SLC4A4: variants seen among roughly 807,000 people sequenced by gnomAD.
SLC4A4 encodes electrogenic sodium bicarbonate cotransporter 1.
Under a neutral mutation model 111.5 loss-of-function variants are expected in SLC4A4, and 27 were observed. The ratio of observed to expected loss-of-function variants is 0.24; its 90% CI spans 0.18 to 0.33. The LOEUF (loss-of-function observed/expected upper bound fraction) is 0.33. SLC4A4 is among the 10% of genes least tolerant of loss of function. The pLI, the probability that SLC4A4 is intolerant of heterozygous loss-of-function variation, is 1.00. For missense variants in SLC4A4, 909 were observed against 1,315.5 expected (o/e 0.69, Z 4.78); for synonymous variants, 443 against 463.4 (o/e 0.96, Z 0.57).
chr4:71,426,351 C>T (rs1456904445), intron 7 of SLC4A4, among the ~76,000 whole-genome samples: 1 of 152,030 alleles, frequency 6.6e-6, no homozygotes, highest in East Asian at 1.9e-4. Context: ...TTTTAGTTTA[C>T]ACTTGATACT....
intron 16 of SLC4A4, among the ~76,000 whole-genome samples, chr4:71,499,735 A>G (rs1330633263): frequency 6.6e-6 from 1 of 151,956 alleles, no homozygotes; most frequent in Non-Finnish European, 1.5e-5. Flanking sequence ...ACATAATGTT[A>G]TCCAAATTAT....
intron 23 of SLC4A4, among the ~76,000 whole-genome samples, chr4:71,562,976 A>G (rs996929025): frequency 2.6e-5 from 4 of 151,656 alleles, no homozygotes; most frequent in African/African-American, 7.3e-5. Flanking sequence ...CTTTTAATTA[A>G]GAGATATATT....
At chr4:71,550,568 T>C (rs564988863) in intron 20 of SLC4A4, among the ~76,000 whole-genome samples, 15 of 152,040 alleles carry the variant, frequency 9.9e-5, no homozygotes, top group African/African-American at 3.6e-4. Flanking sequence ...GACTATGTGT[T>C]TTTTTAGAGA....
At chr4:71,081,448 T>C (rs9991094) in intron 1 of SLC4A4, among the ~76,000 whole-genome samples, 16,474 of 152,168 alleles carry the variant, frequency 0.11, 1,407 homozygotes, top group African/African-American at 0.23. Flanking sequence ...ACTGCAGCTG[T>C]GCTGGTGCTG....
At chr4:71,217,604 A>G (rs1718515064) in intron 1 of SLC4A4, among the ~76,000 whole-genome samples, 2 of 152,300 alleles carry the variant, frequency 1.3e-5, no homozygotes, top group East Asian at 3.9e-4. Flanking sequence ...ACGAAATGGC[A>G]TTTATGTAGC....
intron 7 of SLC4A4, among the ~76,000 whole-genome samples, chr4:71,426,390 C>T (rs1441218342): frequency 2.6e-5 from 4 of 151,998 alleles, no homozygotes; most frequent in Non-Finnish European, 5.9e-5. Flanking sequence ...GGATAATTGT[C>T]TTAGAATTCA....
At chr4:71,529,395 T>C (rs1468151403) in intron 16 of SLC4A4, among the ~76,000 whole-genome samples, 1 of 152,136 alleles carries the variant, frequency 6.6e-6, no homozygotes, top group Non-Finnish European at 1.5e-5. Context: ...TATAGATCTT[T>C]CAGGGCATTT....
chr4:71,206,487 A>G (rs1717772685), intron 1 of SLC4A4, among the ~76,000 whole-genome samples: 1 of 152,210 alleles, frequency 6.6e-6, no homozygotes, highest in Admixed American at 6.5e-5. Flanking sequence ...GTGCTTATCT[A>G]GGAAGAAGCC....
intron 3 of SLC4A4, among the ~76,000 whole-genome samples, chr4:71,293,619 A>G (rs1724556116): frequency 6.6e-6 from 1 of 152,142 alleles, no homozygotes; most frequent in Admixed American, 6.5e-5. Context: ...ACACCTTAAC[A>G]ACATCTTGAT....
chr4:71,454,209 A>G (rs1400220207), intron 12 of SLC4A4, among the ~76,000 whole-genome samples: 3 of 152,004 alleles, frequency 2.0e-5, no homozygotes, highest in Admixed American at 6.6e-5. Flanking sequence ...AGCTGTAACG[A>G]CTCTGGCTTG....
chr4:71,524,331 C>T (rs1733228730), intron 16 of SLC4A4, among the ~76,000 whole-genome samples: 1 of 152,116 alleles, frequency 6.6e-6, no homozygotes, highest in Admixed American at 6.6e-5. Context: ...GTTTCTTGTT[C>T]TACTGTGTTC....
intron 2 of SLC4A4, among the ~76,000 whole-genome samples, chr4:71,165,187 G>A (rs1258272929): frequency 6.6e-6 from 1 of 152,148 alleles, no homozygotes; most frequent in Non-Finnish European, 1.5e-5. Context: ...ATTTGACCCA[G>A]CAATCCCATT....
chr4:71,542,820 A>G (rs2149228260), intron 18 of SLC4A4, among the ~76,000 whole-genome samples: 1 of 152,216 alleles, frequency 6.6e-6, no homozygotes, highest in South Asian at 2.1e-4. Context: ...AAACCACTGG[A>G]GGGAAGGACT....
In SLC4A4 at chr4:71,452,121, T is replaced by C. The variant is rs867349271; in HGVS notation, c.1322+820T>C. Among the ~76,000 whole-genome samples the C allele has an allele frequency of 2.6e-5, 4 of 151,898 alleles. 1 individual carries two copies. The highest frequency in any genetic ancestry group is 2.0e-4 in the Admixed American group (3 of 15,236). On this transcript the variant is annotated intron_variant, in intron 11 of 25. Coordinates refer to ENST00000264485, the MANE Select transcript of SLC4A4 (RefSeq NM_001098484.3). ...AGGGTTTTTTTTTAACATGAAAAGG[T>C]ATGTCATTATAATATGCAATTGAAT...
chr4:71,338,985 C>A, intron 3 of SLC4A4: 1 of 1,208,096 alleles, frequency 8.3e-7, no homozygotes, highest in Non-Finnish European at 1.1e-6. Context: ...CCTCCCACTG[C>A]TGTATGAAAA....
intron 14 of SLC4A4, among the ~76,000 whole-genome samples, chr4:71,485,256 G>A (rs1322461930): frequency 1.3e-5 from 2 of 151,640 alleles, no homozygotes; most frequent in African/African-American, 2.4e-5. Flanking sequence ...TCAATATGAT[G>A]TTGGCTGTGG....
chr4:71,559,966 G>T, intron 22 of SLC4A4, 127 bp from the exon 23 acceptor site: 1 of 743,172 alleles, frequency 1.3e-6, no homozygotes, highest in Non-Finnish European at 2.4e-6. Flanking sequence ...GTCAAGATCA[G>T]GTCTGTCATA....
At chr4:71,206,343 C>T (rs1717763786) in intron 1 of SLC4A4, among the ~76,000 whole-genome samples, 1 of 152,114 alleles carries the variant, frequency 6.6e-6, no homozygotes, top group Admixed American at 6.5e-5. Flanking sequence ...GAAACTATAG[C>T]CACATTTAAA....
At chr4:71,419,483 G>A (rs13130416) in intron 7 of SLC4A4, among the ~76,000 whole-genome samples, 30,032 of 152,210 alleles carry the variant, frequency 0.2, 3,302 homozygotes, top group South Asian at 0.42. Flanking sequence ...CTCCGTGGGC[G>A]TAGGACCCTC....
Sources: gnomAD v4.1 joint callset for allele counts (sites outside exome capture counted in the v4.1 genomes callset) on GRCh38, gnomAD v4.1.1 for gene constraint, MANE v1.5 for transcripts, NCBI Gene and HGNC (gene_info 2026-07-23, HGNC 2026-07-21) for gene names.